The following PLVAP variants were observed in gnomAD, a reference collection of about 807,000 sequenced individuals.
The protein encoded by PLVAP is plasmalemma vesicle-associated protein.
A neutral mutation model predicts 43.1 loss-of-function variants in PLVAP; 34 were observed. The observed-to-expected ratio is 0.79, with a 90% CI of 0.60 to 1.05. The LOEUF is 1.05. Among genes scored for constraint, PLVAP ranks in the 50% least tolerant of loss-of-function variants. The pLI is 0.00. For synonymous variants in PLVAP, 241 were observed against 237.3 expected (o/e 1.02, Z -0.14); for missense variants, 574 against 593.4 (o/e 0.97, Z 0.34).
chr19:17,357,642 T>C (rs2074511731), intron 5 of PLVAP, among the ~76,000 whole-genome samples: 1 of 152,072 alleles, frequency 6.6e-6, no homozygotes. Context: ...CCAGCCTGGG[T>C]GACAGAGCAA....
Position 17,371,590 on chromosome 19 carries a change from G to A in PLVAP, c.369+5330C>T, listed in dbSNP as rs953105420. On this transcript the variant is annotated intron_variant, in intron 1 of 5. Coordinates refer to ENST00000252590, the MANE Select transcript of PLVAP (RefSeq NM_031310.3). ...CTGCAGCCTCAGCCTCCCCAGGCTC[G>A]GGCAATCCTCCCACCTCAGTCTCTC... Among the ~76,000 whole-genome samples the A allele has an allele frequency of 3.7e-4, 56 of 152,012 alleles. 1 individual carries two copies. Among genetic ancestry groups the A allele is most frequent in the African/African-American group, 1.2e-3 (50 of 41,472 alleles).
At chr19:17,364,961 C>T (rs1035419020) in intron 3 of PLVAP, among the ~76,000 whole-genome samples, 4 of 151,784 alleles carry the variant, frequency 2.6e-5, no homozygotes, top group African/African-American at 4.8e-5. Flanking sequence ...TTAGCAAAGA[C>T]GGGGTTTTGC....
intron 1 of PLVAP, among the ~76,000 whole-genome samples, chr19:17,376,477 TG>T (rs2145728966): frequency 6.6e-6 from 1 of 150,962 alleles, no homozygotes; most frequent in African/African-American, 2.4e-5. Context: ...AGGATACACA[TG>T]GAGACCCTGT....
At chr19:17,356,828 G>A (rs983899427) in intron 5 of PLVAP, among the ~76,000 whole-genome samples, 4 of 151,572 alleles carry the variant, frequency 2.6e-5, no homozygotes, top group Non-Finnish European at 4.4e-5. Flanking sequence ...GCGTGATGGC[G>A]CATGCCTGTA....
In PLVAP at chr19:17,352,133, G is replaced by T. The variant is rs775067320; in HGVS notation, c.*229C>A. ...GGTGATATGTGACGTCAGCGCCGTT[G>T]CTTGCGTGACGTCATCTCCGCGGCC... is the stretch of plus-strand genomic sequence containing the variant. On this transcript the variant is annotated 3_prime_UTR_variant, in exon 6 of 6. Coordinates refer to ENST00000252590, the MANE Select transcript of PLVAP (RefSeq NM_031310.3). 7 of 588,756 alleles carry T rather than the reference G, an allele frequency of 1.2e-5. No homozygotes were observed. Among genetic ancestry groups the T allele is most frequent in the Non-Finnish European group, 2.1e-5 (7 of 328,658 alleles). The allele number at this position is 588,756 out of a possible 1,614,324, so 36.5% of individuals were successfully genotyped here.
intron 5 of PLVAP, among the ~76,000 whole-genome samples, chr19:17,358,784 C>T (rs2074516289): frequency 2.0e-5 from 3 of 150,780 alleles, no homozygotes; most frequent in South Asian, 4.2e-4. Flanking sequence ...ATTTCCAGGC[C>T]CTTGACTTCA....
rs1341506024 is a variant in PLVAP at position 17,360,851 on chromosome 19, G to C, written c.1180-19C>G. 1.2e-6 allele frequency: 2 copies of C among 1,610,538 alleles called. No individual in the cohort carries two copies. The highest frequency in any genetic ancestry group is 1.7e-5 in the Admixed American group (1 of 60,006). The stretch of plus-strand genomic sequence containing the variant: ...GCTGCGACTGTGAAAGAAAGATGGA[G>C]GGAGGTTGGTAGGAGCCAGGGCTTC... On this transcript the variant is annotated intron_variant, in intron 3 of 5. Transcript: ENST00000252590.
chr19:17,352,073 G>A lies in PLVAP; in HGVS notation c.*289C>T, dbSNP rs1398131436. The stretch of plus-strand genomic sequence containing the variant: ...CACGACGCCATCGCTATATCTCTTC[G>A]TGACGTCTACATGGCCACGTGACGC... On this transcript the variant is annotated 3_prime_UTR_variant, in exon 6 of 6. Coordinates refer to ENST00000252590, the MANE Select transcript of PLVAP (RefSeq NM_031310.3). The A allele has an allele frequency of 2.0e-6, 1 of 501,930 alleles. No individual in the cohort carries two copies. Among genetic ancestry groups the A allele is most frequent in the Non-Finnish European group, 3.6e-6 (1 of 275,780 alleles). The allele number at this position is 501,930 out of a possible 1,614,324, so 31.1% of individuals were successfully genotyped here.
At chr19:17,370,059 A>AATG (rs2074566518) in intron 1 of PLVAP, among the ~76,000 whole-genome samples, 1 of 151,936 alleles carries the variant, frequency 6.6e-6, no homozygotes, top group Non-Finnish European at 1.5e-5. Flanking sequence ...CCATTACGGA[A>AATG]ATGCAAATCA....
chr19:17,360,382 G>A (rs1026651360), intron 5 of PLVAP, 146 bp downstream of exon 5: 5 of 797,512 alleles, frequency 6.3e-6, no homozygotes, highest in Admixed American at 2.2e-5. Flanking sequence ...TGTCCCTCAC[G>A]CCCAACCATA....
chr19:17,353,904 C>T (rs4808078), intron 5 of PLVAP, among the ~76,000 whole-genome samples: 112,224 of 152,032 alleles, frequency 0.74, 41,786 homozygotes, highest in Middle Eastern at 0.8. Context: ...AAATACGGCT[C>T]GAATGGACAC....
chr19:17,369,628 CTA>C (rs1187993652), intron 1 of PLVAP, among the ~76,000 whole-genome samples: 1 of 122,148 alleles, frequency 8.2e-6, no homozygotes, highest in Admixed American at 8.2e-5. Context: ...GAGTGAGACT[CTA>C]TGTCCAAAAA....
intron 1 of PLVAP, among the ~76,000 whole-genome samples, chr19:17,370,218 C>T (rs1230629805): frequency 3.3e-5 from 5 of 151,998 alleles, no homozygotes; most frequent in East Asian, 3.8e-4. Flanking sequence ...AATGTTGCAA[C>T]GGCTTTGGGA....
In PLVAP at chr19:17,365,687, G is replaced by T. The variant is rs2074546686; in HGVS notation, c.778C>A (p.Pro260Thr). ...LDNLGYNLYH[P>T]LGSELASIRR... ...ATGGAGGCCAATTCCGAGCCCAGGGGATGGTAGAGGTTGTAACCCAGGTTG... is the reference window on the plus strand; with the variant it reads ...ATGGAGGCCAATTCCGAGCCCAGGGTATGGTAGAGGTTGTAACCCAGGTTG... The change falls in exon 3 of 6, where the codon CCC becomes ACC. Residue 260 changes from proline (P) to threonine (T), a missense_variant. Physicochemically the swap from Pro to Thr is conservative, Grantham distance 38. Coordinates refer to ENST00000252590, the MANE Select transcript of PLVAP (RefSeq NM_031310.3). 6.2e-7 allele frequency: 1 copy of T among 1,613,866 alleles called. No homozygotes were observed. Among genetic ancestry groups the T allele is most frequent in the Non-Finnish European group, 8.5e-7 (1 of 1,180,022 alleles).
intron 5 of PLVAP, among the ~76,000 whole-genome samples, chr19:17,360,037 A>T (rs919555534): frequency 6.6e-6 from 1 of 151,878 alleles, no homozygotes; most frequent in African/African-American, 2.4e-5. Flanking sequence ...CTCATGCTCC[A>T]GCTCTTCCTC....
In PLVAP at chr19:17,364,524, C is replaced by T. The variant is rs531412046; in HGVS notation, c.1179+762G>A. ...CCAGCCTCAATTCTTAATCCTTTCT[C>T]AATGTCATTCCTAATTCCAAACTCT... On this transcript the variant is annotated intron_variant, in intron 3 of 5. Transcript: ENST00000252590. 2.0e-5 allele frequency among the ~76,000 whole-genome samples: 3 copies of T among 152,228 alleles called. No homozygotes were observed. The South Asian group carries it at 6.2e-4, about 32-fold the overall frequency.
At chr19:17,356,191 T>C (rs1170484814) in intron 5 of PLVAP, among the ~76,000 whole-genome samples, 2 of 152,088 alleles carry the variant, frequency 1.3e-5, no homozygotes, top group Non-Finnish European at 2.9e-5. Flanking sequence ...GTGCCTGTAA[T>C]CCCAGCTACT....
intron 3 of PLVAP, among the ~76,000 whole-genome samples, chr19:17,364,764 CTTTTTTTTTT>C (rs71162109): frequency 5.7e-5 from 5 of 87,360 alleles, no homozygotes; most frequent in Non-Finnish European, 8.4e-5. Context: ...TAATTCCAGT[CTTTTTTTTTT>C]TTTTTTTTTT....
At chr19:17,375,780 C>T (rs1486624732) in intron 1 of PLVAP, among the ~76,000 whole-genome samples, 1 of 151,846 alleles carries the variant, frequency 6.6e-6, no homozygotes, top group Non-Finnish European at 1.5e-5. Flanking sequence ...ACTCAGGAGG[C>T]TGAGGCAGGA....
Sources: allele counts gnomAD v4.1 joint callset (sites outside exome capture counted in the v4.1 genomes callset), GRCh38; gene constraint gnomAD v4.1.1; transcripts MANE v1.5; gene names NCBI Gene and HGNC (gene_info 2026-07-23, HGNC 2026-07-21).